The following BPTF variants were observed in gnomAD, a reference collection of about 807,000 sequenced individuals.
The protein encoded by BPTF is bromodomain PHD finger transcription factor.
Under a neutral mutation model 292.5 loss-of-function variants are expected in BPTF, and 18 were observed. The ratio of observed to expected loss-of-function variants is 0.06; its 90% CI spans 0.04 to 0.09. BPTF has a LOEUF of 0.09. Among genes scored for constraint, BPTF ranks in the 10% least tolerant of loss-of-function variants. The pLI, the probability that BPTF is intolerant of heterozygous loss-of-function variation, is 1.00. For missense variants in BPTF, 2,726 were observed against 3,498.7 expected (o/e 0.78, Z 5.57); for synonymous variants, 1,225 against 1,251.9 (o/e 0.98, Z 0.45).
At chr17:67,899,314 C>A (rs1448318271) in intron 7 of BPTF, among the ~76,000 whole-genome samples, 1 of 152,172 alleles carries the variant, frequency 6.6e-6, no homozygotes, top group Non-Finnish European at 1.5e-5. Flanking sequence ...TTTTATGCTG[C>A]AGTCACGCCA....
At chr17:67,828,391 A>G (rs1567847317) in intron 1 of BPTF, among the ~76,000 whole-genome samples, 1 of 152,214 alleles carries the variant, frequency 6.6e-6, no homozygotes, top group Non-Finnish European at 1.5e-5. Flanking sequence ...AGGACAGTTC[A>G]GCTAACTTTA....
In BPTF at chr17:67,945,793, G is replaced by T; in HGVS notation, c.7085G>T (p.Gly2362Val). ...TCAACTCCATCCCAACTGTCTCCTG[G>T]ACAACAATCCCAGGTTCAGACTACA... is the stretch of plus-strand genomic sequence containing the variant. ...RPSTPSQLSPGQQSQVQTTTS... is the reference protein window; with the variant it reads ...RPSTPSQLSPVQQSQVQTTTS... Residue 2362 changes from glycine (G) to valine (V), a missense_variant, in exon 21 of 28, where the codon GGA becomes GTA. Transcript: ENST00000306378. The T allele has an allele frequency of 6.2e-7, 1 of 1,614,074 alleles. No individual in the cohort carries two copies. The highest frequency in any genetic ancestry group is 2.2e-5 in the East Asian group (1 of 44,884).
At chr17:67,973,437 A>G (rs2069026418) in intron 26 of BPTF, among the ~76,000 whole-genome samples, 1 of 152,020 alleles carries the variant, frequency 6.6e-6, no homozygotes, top group Non-Finnish European at 1.5e-5. Flanking sequence ...TAAACCCACA[A>G]TTATCTTGGC....
At chr17:67,973,549 G>A (rs1388977950) in intron 26 of BPTF, among the ~76,000 whole-genome samples, 9 of 151,772 alleles carry the variant, frequency 5.9e-5, no homozygotes, top group Admixed American at 3.3e-4. Context: ...TGTTGCACAA[G>A]CAGTGGTGAG....
intron 2 of BPTF, among the ~76,000 whole-genome samples, chr17:67,861,172 G>A (rs2059054128): frequency 2.6e-5 from 4 of 152,064 alleles, no homozygotes; most frequent in Admixed American, 2.6e-4. Context: ...AGAAATATGA[G>A]AATAAACTTT....
chr17:67,929,411 C>T lies in BPTF; in HGVS notation c.6074C>T (p.Ser2025Leu). 1 of 1,614,152 alleles carries T rather than the reference C, an allele frequency of 6.2e-7. No individual in the cohort carries two copies. Among genetic ancestry groups the T allele is most frequent in the Non-Finnish European group, 8.5e-7 (1 of 1,180,010 alleles). ...STGTSQQTFTSFQPRTATVTI... is the reference protein window; with the variant it reads ...STGTSQQTFTLFQPRTATVTI... ...GGTACCAGTCAGCAAACCTTTACTT[C>T]ATTCCAGCCCAGGACAGCAACAGTC... The change falls in exon 17 of 28, where the codon TCA (serine) becomes TTA (leucine). Residue 2025 changes from serine to leucine, a missense_variant. Around this residue, in one of 22 missense-constraint regions of BPTF, gnomAD observed 198 missense variants for 277.1 expected, o/e 0.71. Coordinates refer to ENST00000306378, the MANE Select transcript of BPTF (RefSeq NM_182641.4).
chr17:67,979,169 C>CAAAAAAAAA (rs11376410), intron 27 of BPTF, among the ~76,000 whole-genome samples: 9 of 72,560 alleles, frequency 1.2e-4, no homozygotes, highest in African/African-American at 7.2e-4. Flanking sequence ...GACCCTGTCT[C>CAAAAAAAAA]AAAAAAAAAA....
chr17:67,963,594 G>A, intron 24 of BPTF: 3 of 1,248,416 alleles, frequency 2.4e-6, no homozygotes, highest in Non-Finnish European at 3.0e-6. Flanking sequence ...ATAAAAAGCA[G>A]ATTTTTTTCT....
intron 7 of BPTF, among the ~76,000 whole-genome samples, chr17:67,900,878 G>C (rs1483750280): frequency 6.6e-6 from 1 of 151,854 alleles, no homozygotes; most frequent in Non-Finnish European, 1.5e-5. Flanking sequence ...GCATGGTCTT[G>C]CTTGCCTGTA....
In BPTF at chr17:67,917,836, G is replaced by A. The variant is rs144356054; in HGVS notation, c.5304-878G>A. Among the ~76,000 whole-genome samples the A allele has an allele frequency of 6.2e-3, 940 of 151,984 alleles. 6 individuals carry two copies. The highest frequency in any genetic ancestry group is 0.01 in the Non-Finnish European group (710 of 67,954). On this transcript the variant is annotated intron_variant, in intron 11 of 27. Coordinates refer to ENST00000306378, the MANE Select transcript of BPTF (RefSeq NM_182641.4). Reference sequence around the variant, plus strand: ...TTTGTTTTGTTTTGTTTTTGAGACAGAGTCTCGCTCTGTCGCCTAGGCTGG... The same window carrying A: ...TTTGTTTTGTTTTGTTTTTGAGACAAAGTCTCGCTCTGTCGCCTAGGCTGG...
intron 18 of BPTF, among the ~76,000 whole-genome samples, chr17:67,939,737 G>A (rs1462818280): frequency 1.3e-5 from 2 of 152,120 alleles, no homozygotes; most frequent in Non-Finnish European, 2.9e-5. Context: ...AAAATTAGTC[G>A]GGTGTGGTGG....
chr17:67,897,478 C>T (rs1261667660), intron 7 of BPTF, among the ~76,000 whole-genome samples: 1 of 151,720 alleles, frequency 6.6e-6, no homozygotes, highest in Non-Finnish European at 1.5e-5. Context: ...TTTCCTACAT[C>T]CACAAAGAAA....
At chr17:67,839,260 G>C (rs138088856) in intron 1 of BPTF, among the ~76,000 whole-genome samples, 2,612 of 152,166 alleles carry the variant, frequency 0.017, 33 homozygotes, top group Non-Finnish European at 0.027. Flanking sequence ...ATATTTCATG[G>C]TTAACTGTGG....
chr17:67,958,951 CA>C (rs1289091041), intron 23 of BPTF, among the ~76,000 whole-genome samples: 1 of 151,888 alleles, frequency 6.6e-6, no homozygotes, highest in African/African-American at 2.4e-5. Flanking sequence ...AACTGCATCT[CA>C]AAAAATATAT....
chr17:67,828,088 C>T (rs2056280389), intron 1 of BPTF, among the ~76,000 whole-genome samples: 2 of 151,908 alleles, frequency 1.3e-5, no homozygotes, highest in African/African-American at 4.8e-5. Flanking sequence ...CCCACCAGCA[C>T]ACCCGGCTAA....
Position 67,918,670 on chromosome 17 carries a change from A to C in BPTF, c.5304-44A>C, listed in dbSNP as rs201540873. 1.7e-5 allele frequency: 26 copies of C among 1,565,030 alleles called. 1 individual carries two copies. The East Asian group carries it at 3.9e-4, about 23-fold the overall frequency. On this transcript the variant is annotated intron_variant, in intron 11 of 27. Coordinates refer to ENST00000306378, the MANE Select transcript of BPTF (RefSeq NM_182641.4). ...TGAATATGAATGTGTATGTGTATGT[A>C]TATACATATAGATATATATGGATTT...
intron 1 of BPTF, among the ~76,000 whole-genome samples, chr17:67,832,783 CTTTTTT>C (rs60751133): frequency 6.9e-5 from 7 of 101,642 alleles, no homozygotes; most frequent in African/African-American, 1.7e-4. Context: ...TGATTCGCCT[CTTTTTT>C]TTTTTTTTTT....
At chr17:67,893,777 A>G (rs2061272085) in intron 6 of BPTF, 52 bp downstream of exon 6, 1 of 1,365,294 alleles carries the variant, frequency 7.3e-7, no homozygotes, top group Admixed American at 2.2e-5. Context: ...AATGTTTATA[A>G]AATGATTGTT....
intron 18 of BPTF, among the ~76,000 whole-genome samples, chr17:67,937,434 A>C (rs2065005839): frequency 6.6e-6 from 1 of 152,000 alleles, no homozygotes; most frequent in Admixed American, 6.6e-5. Flanking sequence ...AGGAACGATA[A>C]TGTTTAGAGT....
Sources: allele counts gnomAD v4.1 joint callset (sites outside exome capture counted in the v4.1 genomes callset), GRCh38; gene constraint gnomAD v4.1.1; regional missense constraint gnomAD v4.1.1; transcripts MANE v1.5; gene names NCBI Gene and HGNC (gene_info 2026-07-23, HGNC 2026-07-21).